GC: variants seen among roughly 807,000 people sequenced by gnomAD.
The protein encoded by GC is GC vitamin D binding protein.
A neutral mutation model predicts 56.7 loss-of-function variants in GC; 43 were observed. The ratio of observed to expected loss-of-function variants is 0.76; its 90% confidence interval spans 0.59 to 0.98. The LOEUF (loss-of-function observed/expected upper bound fraction) is 0.98, where lower values mean the gene tolerates loss of function less well. Among genes scored for constraint, GC ranks in the 50% least tolerant of loss-of-function variants. GC has a pLI of 0.00. For missense variants in GC, 529 were observed against 545.9 expected, an observed-to-expected ratio of 0.97 and a Z score of 0.31; for synonymous variants, 216 against 202.7, an observed-to-expected ratio of 1.07 and a Z score of -0.56.
chr4:71,753,234 G>A (rs1741612265), intron 10 of GC, among the ~76,000 whole-genome samples: 1 of 151,932 alleles, frequency 6.6e-6, no homozygotes, highest in Non-Finnish European at 1.5e-5. Flanking sequence ...CGATGATCTC[G>A]GCGTCTCTCC....
intron 11 of GC, among the ~76,000 whole-genome samples, chr4:71,746,799 CTT>C (rs1741388973): frequency 4.3e-5 from 5 of 116,610 alleles, no homozygotes; most frequent in Non-Finnish European, 7.0e-5. Flanking sequence ...AAAAAAACTA[CTT>C]TAATTTGGAG....
chr4:71,757,999 A>G (rs756089722), intron 7 of GC, 43 bp downstream of exon 7: 1 of 1,588,004 alleles, frequency 6.3e-7, no homozygotes, highest in Non-Finnish European at 8.6e-7. Flanking sequence ...CTTGGCACTC[A>G]ATACCTGGCA....
intron 11 of GC, among the ~76,000 whole-genome samples, chr4:71,748,978 G>A (rs1310338633): frequency 6.6e-6 from 1 of 152,030 alleles, no homozygotes; most frequent in Non-Finnish European, 1.5e-5. Flanking sequence ...AAATATTATA[G>A]GACAAATGGG....
rs756735854 is a variant in GC at position 71,769,344 on chromosome 4, C to T, written c.115G>A (p.Asp39Asn). 10 of 1,611,100 alleles carry T rather than the reference C, an allele frequency of 6.2e-6. No homozygotes were observed. The highest frequency in any genetic ancestry group is 1.7e-5 in the Admixed American group (1 of 59,980). ...CKEFSHLGKEDFTSLSLVLYS... is the reference protein window; with the variant it reads ...CKEFSHLGKENFTSLSLVLYS... ...CTGCACACTTACAGAGATGTGAAGT[C>T]CTCCTTTCCCAGATGGGAGAATTCC... The change falls in exon 2 of 13, where the codon GAC becomes AAC. Residue 39 changes from aspartate to asparagine, a missense_variant. By Grantham distance (23) the Asp-to-Asn change is conservative. Coordinates refer to ENST00000273951, the MANE Select transcript of GC (RefSeq NM_000583.4).
At chr4:71,774,923 T>A (rs996475263) in intron 1 of GC, among the ~76,000 whole-genome samples, 2 of 151,982 alleles carry the variant, frequency 1.3e-5, no homozygotes, top group Non-Finnish European at 2.9e-5. Flanking sequence ...TGATATTCTT[T>A]TTATGGTATC....
chr4:71,794,148 T>C (rs2149309637), intron 1 of GC, among the ~76,000 whole-genome samples: 2 of 152,328 alleles, frequency 1.3e-5, no homozygotes, highest in Middle Eastern at 6.8e-3. Flanking sequence ...CAGGCTTTGG[T>C]ATCAGGATGA....
At chr4:71,752,795 G>T in intron 10 of GC, 145 bp from the exon 11 acceptor site, 1 of 668,396 alleles carries the variant, frequency 1.5e-6, no homozygotes, top group Non-Finnish European at 2.5e-6. Context: ...CTATACCTGT[G>T]GTATAGAATA....
upstream of GC, among the ~76,000 whole-genome samples, chr4:71,787,353 C>A (rs1742865029): frequency 6.6e-6 from 1 of 151,874 alleles, no homozygotes; most frequent in African/African-American, 2.4e-5. Flanking sequence ...ACACATTGTG[C>A]TATTGAGCTT....
chr4:71,753,124 T>C (rs1177776902), intron 10 of GC, among the ~76,000 whole-genome samples: 1 of 152,168 alleles, frequency 6.6e-6, no homozygotes, highest in Non-Finnish European at 1.5e-5. Flanking sequence ...GTAAGGAAAT[T>C]TTCGCTCTTA....
At chr4:71,760,273 C>T (rs576479884) in intron 6 of GC, among the ~76,000 whole-genome samples, 64 of 151,020 alleles carry the variant, frequency 4.2e-4, no homozygotes, top group South Asian at 1.0e-3. Context: ...AGGATGATCT[C>T]GATCTCCTGA....
intron 1 of GC, among the ~76,000 whole-genome samples, chr4:71,791,525 A>C (rs1578321833): frequency 6.6e-6 from 1 of 152,136 alleles, no homozygotes; most frequent in East Asian, 1.9e-4. Flanking sequence ...AAGAACGTAA[A>C]CCTCGACAGT....
At chr4:71,778,409 G>A (rs1257648524) in intron 1 of GC, among the ~76,000 whole-genome samples, 1 of 151,882 alleles carries the variant, frequency 6.6e-6, no homozygotes, top group Non-Finnish European at 1.5e-5. Context: ...AATGCTCATA[G>A]GATCTAGGAA....
rs1316156547 is a variant in GC, at chr4:71,768,448, A to T, written c.129-15T>A. 6.3e-7 allele frequency: 1 copy of T among 1,597,112 alleles called. No homozygotes were observed. Among genetic ancestry groups the T allele is most frequent in the African/African-American group, 1.4e-5 (1 of 74,002 alleles). On this transcript the variant is annotated splice_polypyrimidine_tract_variant and intron_variant, in intron 2 of 12. Transcript: ENST00000273951. ...GGACTAGTGACCTGAGGGGAAAATA[A>T]GACAATATATCAATTAGAACTGAAA... is the stretch of plus-strand genomic sequence containing the variant.
chr4:71,778,225 A>G (rs1051666763), intron 1 of GC, among the ~76,000 whole-genome samples: 3 of 151,818 alleles, frequency 2.0e-5, no homozygotes, highest in Non-Finnish European at 4.4e-5. Context: ...TTAAATGTAA[A>G]CATATTTAAA....
At chr4:71,753,632 G>A (rs576725091) in intron 10 of GC, among the ~76,000 whole-genome samples, 1 of 152,060 alleles carries the variant, frequency 6.6e-6, no homozygotes, top group Non-Finnish European at 1.5e-5. Context: ...TTATTTTACT[G>A]TTAATGTCTA....
upstream of GC, among the ~76,000 whole-genome samples, chr4:71,804,752 T>A (rs371918006): frequency 6.6e-6 from 1 of 152,112 alleles, no homozygotes; most frequent in African/African-American, 2.4e-5. Context: ...TCGTCTTGCA[T>A]CACTGGGCAG....
chr4:71,763,891 T>C lies in GC; in HGVS notation c.519A>G (p.Ser173=). ...AACTCTTGGTGTAACTGACTAAAAGTGACAGAGGAGCTTGTCCGTAATTAG... is the reference window on the plus strand; with the variant it reads ...AACTCTTGGTGTAACTGACTAAAAGCGACAGAGGAGCTTGTCCGTAATTAG... The part of the protein sequence containing the change: ...YSTNYGQAPL[S]LLVSYTKSYL... Residue 173 remains serine, a synonymous_variant, in exon 5 of 13, where the codon TCA becomes TCG. Coordinates refer to ENST00000273951, the MANE Select transcript of GC (RefSeq NM_000583.4). 6.2e-7 allele frequency: 1 copy of C among 1,610,584 alleles called. No individual in the cohort carries two copies. Among genetic ancestry groups the C allele is most frequent in the Non-Finnish European group, 8.5e-7 (1 of 1,176,706 alleles).
intron 1 of GC, among the ~76,000 whole-genome samples, chr4:71,778,176 A>G (rs1742569288): frequency 6.6e-6 from 1 of 151,970 alleles, no homozygotes; most frequent in Non-Finnish European, 1.5e-5. Flanking sequence ...AAAAAAAGTT[A>G]TGTAAGTTTC....
chr4:71,800,484 A>G (rs1016501355), intron 1 of GC, among the ~76,000 whole-genome samples: 4 of 152,068 alleles, frequency 2.6e-5, no homozygotes, highest in African/African-American at 9.7e-5. Context: ...TCTGTCACTG[A>G]TGGGTATTTG....
Sources: allele counts gnomAD v4.1 joint callset (sites outside exome capture counted in the v4.1 genomes callset), GRCh38; gene constraint gnomAD v4.1.1; transcripts MANE v1.5; gene names NCBI Gene and HGNC (gene_info 2026-07-23, HGNC 2026-07-21).